CALN1: variants seen among roughly 807,000 people sequenced by gnomAD.
CALN1 encodes calcium-binding protein 8.
Under a neutral mutation model 30.6 loss-of-function variants are expected in CALN1, and 17 were observed. The ratio of observed to expected loss-of-function variants is 0.56; its 90% confidence interval spans 0.38 to 0.83. The LOEUF (loss-of-function observed/expected upper bound fraction) is 0.83, where lower values mean the gene tolerates loss of function less well. CALN1 is among the 40% of genes least tolerant of loss of function. CALN1 has a pLI of 0.00. For missense variants in CALN1, 291 were observed against 354.9 expected (o/e 0.82, Z 1.45); for synonymous variants, 156 against 131.4 (o/e 1.19, Z -1.28).
chr7:72,288,410 G>A (rs1798246427), intron 2 of CALN1, among the ~76,000 whole-genome samples: 1 of 152,038 alleles, frequency 6.6e-6, no homozygotes, highest in African/African-American at 2.4e-5. Context: ...ACTTGGTCTT[G>A]GAAATCACAC....
At chr7:71,853,956 C>A (rs1790794085) in intron 5 of CALN1, among the ~76,000 whole-genome samples, 1 of 152,042 alleles carries the variant, frequency 6.6e-6, no homozygotes, top group Admixed American at 6.6e-5. Context: ...TTCAGGAAAC[C>A]TTTGTCTACC....
intron 4 of CALN1, among the ~76,000 whole-genome samples, chr7:72,063,717 T>C (rs888492015): frequency 6.6e-6 from 1 of 152,170 alleles, no homozygotes; most frequent in Non-Finnish European, 1.5e-5. Context: ...TCAGAAATGC[T>C]AAACAATCTG....
Position 72,044,599 on chromosome 7 carries a change from C to CTTT in CALN1, c.389-20833_389-20831dup, listed in dbSNP as rs549079139. ...TTCAGAGAATAATTTCCGCTTAAAA[C>CTTT]TTTTTTTTTTTTTTTTTTTTTTTTT... On this transcript the variant is annotated intron_variant, in intron 4 of 6. Transcript: ENST00000395275. 1.7e-3 allele frequency among the ~76,000 whole-genome samples: 161 copies of CTTT among 96,678 alleles called. 10 individuals are homozygous for CTTT. The highest frequency in any genetic ancestry group is 4.6e-3 in the South Asian group (11 of 2,406). The allele number at this position is 96,678 out of a possible 152,430, so 63.4% of individuals were successfully genotyped here. A position where few individuals can be genotyped will look rare whatever the true frequency, so the allele number is the denominator to read the frequency against.
intron 5 of CALN1, among the ~76,000 whole-genome samples, chr7:72,006,541 G>A (rs1799780844): frequency 6.6e-6 from 1 of 151,834 alleles, no homozygotes. Context: ...CTGACACGAT[G>A]ATTTTTATAG....
At chr7:71,907,617 A>G (rs1301089111) in intron 5 of CALN1, among the ~76,000 whole-genome samples, 2 of 152,208 alleles carry the variant, frequency 1.3e-5, no homozygotes, top group East Asian at 1.9e-4. Flanking sequence ...TTTAAAAGCG[A>G]TAATACCTAC....
chr7:72,129,548 TTTC>T (rs555597316), intron 3 of CALN1, among the ~76,000 whole-genome samples: 11 of 152,286 alleles, frequency 7.2e-5, no homozygotes, highest in Middle Eastern at 3.4e-3. Flanking sequence ...TTCTGTGGGG[TTTC>T]TTAAGTCCTC....
chr7:72,497,210 C>A, the CALN1 span, among the ~76,000 whole-genome samples: 3 of 152,104 alleles, frequency 2.0e-5, no homozygotes, highest in Non-Finnish European at 2.9e-5. Flanking sequence ...GAGGCCAAAG[C>A]GGGTGGATCA....
At chr7:72,501,179 G>T in the CALN1 span, among the ~76,000 whole-genome samples, 1 of 151,682 alleles carries the variant, frequency 6.6e-6, no homozygotes, top group Non-Finnish European at 1.5e-5. Context: ...ATAAGTTGGG[G>T]TAACAAGTGA....
At chr7:71,819,624 T>C (rs1459432481) in intron 5 of CALN1, among the ~76,000 whole-genome samples, 1 of 152,212 alleles carries the variant, frequency 6.6e-6, no homozygotes, top group Admixed American at 6.5e-5. Flanking sequence ...TACACTATTA[T>C]TAATTATCAT....
At chr7:72,248,568 T>A (rs1232854032) in intron 3 of CALN1, among the ~76,000 whole-genome samples, 1 of 152,170 alleles carries the variant, frequency 6.6e-6, no homozygotes, top group Non-Finnish European at 1.5e-5. Context: ...TTTCTGACTC[T>A]GACCCTCCAG....
chr7:71,870,327 G>A (rs1250934372), intron 5 of CALN1, among the ~76,000 whole-genome samples: 1 of 151,416 alleles, frequency 6.6e-6, no homozygotes, highest in Non-Finnish European at 1.5e-5. Context: ...AGGTTGCAGT[G>A]AGCCAAGATG....
At chr7:72,067,409 A>AT (rs1230558537) in intron 4 of CALN1, among the ~76,000 whole-genome samples, 6 of 151,756 alleles carry the variant, frequency 4.0e-5, no homozygotes, top group South Asian at 2.1e-4. Context: ...TGCCCAGCCA[A>AT]TTTTTTCTAT....
At chr7:71,933,599 CA>C (rs1275386031) in intron 5 of CALN1, among the ~76,000 whole-genome samples, 8 of 152,196 alleles carry the variant, frequency 5.3e-5, no homozygotes, top group African/African-American at 1.4e-4. Context: ...TAACACTCAT[CA>C]AGTCACAATT....
In CALN1 at chr7:72,157,216, C is replaced by T. The variant is rs146787827; in HGVS notation, c.245-50922G>A. On this transcript the variant is annotated intron_variant, in intron 3 of 6. Transcript: ENST00000395275. ...CCATTTGGCAAATATTTGTTGAATGCGTTGCATGCCAAGTACTGCACACAA... is the reference window on the plus strand; with the variant it reads ...CCATTTGGCAAATATTTGTTGAATGTGTTGCATGCCAAGTACTGCACACAA... Among the ~76,000 whole-genome samples, 13 of 152,278 alleles carry T rather than the reference C, an allele frequency of 8.5e-5. No individual in the cohort carries two copies. In the East Asian group the frequency reaches 9.7e-4, roughly 11 times the overall value.
chr7:71,947,217 C>G (rs1269699548), intron 5 of CALN1, among the ~76,000 whole-genome samples: 1 of 152,054 alleles, frequency 6.6e-6, no homozygotes, highest in African/African-American at 2.4e-5. Context: ...CATCATGTTG[C>G]CCAGGCTGGT....
intron 5 of CALN1, among the ~76,000 whole-genome samples, chr7:71,837,226 C>A: frequency 1.1e-5 from 1 of 91,342 alleles, no homozygotes. Context: ...GGCGAAACTC[C>A]ATCTCAAAAA....
Position 71,979,869 on chromosome 7 carries a change from C to CTTT in CALN1, c.501+43785_501+43787dup, listed in dbSNP as rs555621436. ...ATAAAATCTCAGACACATCAGGATT[C>CTTT]TTTTTTTTTTTTTTTTTTTTTTTTT... is the stretch of plus-strand genomic sequence containing the variant. On this transcript the variant is annotated intron_variant, in intron 5 of 6. Coordinates refer to ENST00000395275, the MANE Select transcript of CALN1 (RefSeq NM_031468.4). Among the ~76,000 whole-genome samples the CTTT allele has an allele frequency of 8.3e-4, 74 of 89,678 alleles. 4 individuals carry two copies. Among genetic ancestry groups the CTTT allele is most frequent in the Non-Finnish European group, 1.2e-3 (55 of 45,620 alleles). 58.8% of individuals were successfully genotyped at this position (89,678 alleles called of 152,430 possible). A position where few individuals can be genotyped will look rare whatever the true frequency, so the allele number is the denominator to read the frequency against.
At chr7:72,369,829 A>G (rs1476205759) in intron 2 of CALN1, among the ~76,000 whole-genome samples, 1 of 152,200 alleles carries the variant, frequency 6.6e-6, no homozygotes, top group African/African-American at 2.4e-5. Flanking sequence ...GTCGTATTCC[A>G]TTGTATGAAT....
At chr7:71,951,133 T>C (rs574722144) in intron 5 of CALN1, among the ~76,000 whole-genome samples, 3 of 152,308 alleles carry the variant, frequency 2.0e-5, no homozygotes, top group Admixed American at 1.3e-4. Flanking sequence ...TCTTAGTAAA[T>C]ATCAGTTTAA....
Sources: allele counts gnomAD v4.1 joint callset (sites outside exome capture counted in the v4.1 genomes callset), GRCh38; gene constraint gnomAD v4.1.1; transcripts MANE v1.5; gene names NCBI Gene and HGNC (gene_info 2026-07-23, HGNC 2026-07-21).